Variants in SPSB4 observed in about 807,000 individuals in gnomAD.
SPSB4 encodes SPRY domain-containing SOCS box protein 4.
In SPSB4, 21 loss-of-function variants were observed where a neutral mutation model predicts 20.9. The ratio of observed to expected loss-of-function variants is 1.01; its 90% CI spans 0.71 to 1.45. The LOEUF (loss-of-function observed/expected upper bound fraction) is 1.45, where lower values mean the gene tolerates loss of function less well. Among genes scored for constraint, SPSB4 ranks in the 40% most tolerant of loss-of-function variants. SPSB4 has a pLI of 0.00. For synonymous variants in SPSB4, 207 were observed against 183.8 expected (o/e 1.13, Z -1.02); for missense variants, 399 against 399.2 (o/e 1.00, Z 0.00).
chr3:141,121,930 C>T (rs1312073164), intron 2 of SPSB4, among the ~76,000 whole-genome samples: 2 of 152,226 alleles, frequency 1.3e-5, no homozygotes, highest in Non-Finnish European at 2.9e-5. Flanking sequence ...TTGTCAAACT[C>T]ATTCTCCGTC....
intron 2 of SPSB4, among the ~76,000 whole-genome samples, chr3:141,082,739 T>A (rs1015918794): frequency 2.0e-5 from 3 of 152,200 alleles, no homozygotes; most frequent in Non-Finnish European, 4.4e-5. Flanking sequence ...AAACTGAGGC[T>A]GTGAACGGCT....
chr3:141,087,064 T>C (rs951793357), intron 2 of SPSB4, among the ~76,000 whole-genome samples: 3 of 152,188 alleles, frequency 2.0e-5, no homozygotes, highest in Admixed American at 6.5e-5. Context: ...GCCTGGAAGA[T>C]GACACGCGCA....
In SPSB4 at chr3:141,147,405, A is replaced by G. The variant is rs1163985077; in HGVS notation, c.*136A>G. The stretch of plus-strand genomic sequence containing the variant: ...CCCAGGACACTCAGTTCTTTCAAAG[A>G]CCAGGATGTGGTACCAACTTTGGAA... On this transcript the variant is annotated 3_prime_UTR_variant, in exon 3 of 3. Transcript: ENST00000310546. 11 of 1,444,718 alleles carry G rather than the reference A, an allele frequency of 7.6e-6. No individual in the cohort carries two copies. In the Admixed American group the frequency reaches 1.9e-4, roughly 25 times the overall value. The allele number at this position is 1,444,718 out of a possible 1,614,324, so 89.5% of individuals were successfully genotyped here.
intron 2 of SPSB4, among the ~76,000 whole-genome samples, chr3:141,072,095 C>T (rs1229143724): frequency 6.6e-6 from 1 of 152,246 alleles, no homozygotes; most frequent in Non-Finnish European, 1.5e-5. Flanking sequence ...GCCCCCATCC[C>T]TTATCAATCT....
chr3:141,066,634 T>G lies in SPSB4; in HGVS notation c.530T>G (p.Leu177Arg), dbSNP rs767115171. ...GAGGCCTTTGCGCTGCCCGACTCGC[T>G]GCTCGTGGTGCTGGACATGGATGAG... ...PDEAFALPDS[L>R]LVVLDMDEGT... The change falls in exon 2 of 3, where the codon CTG becomes CGG. Residue 177 changes from leucine (L) to arginine (R), a missense_variant. Coordinates refer to ENST00000310546, the MANE Select transcript of SPSB4 (RefSeq NM_080862.3). The G allele has an allele frequency of 1.9e-6, 3 of 1,610,702 alleles. No individual in the cohort carries two copies. The South Asian group carries it at 3.3e-5, about 18-fold the overall frequency.
At chr3:141,052,194 T>C (rs1936105894) in intron 1 of SPSB4, among the ~76,000 whole-genome samples, 1 of 152,120 alleles carries the variant, frequency 6.6e-6, no homozygotes, top group Non-Finnish European at 1.5e-5. Flanking sequence ...CGGCCTTTGG[T>C]ATCATGGGTT....
intron 2 of SPSB4, among the ~76,000 whole-genome samples, chr3:141,116,215 G>A (rs1355029074): frequency 2.6e-5 from 4 of 152,232 alleles, no homozygotes; most frequent in African/African-American, 4.8e-5. Context: ...GATGGTGGTC[G>A]TTCTGGTGGC....
chr3:141,080,910 T>C (rs1489615214), intron 2 of SPSB4, among the ~76,000 whole-genome samples: 7 of 152,184 alleles, frequency 4.6e-5, no homozygotes, highest in Non-Finnish European at 1.0e-4. Flanking sequence ...AAAGAGCACT[T>C]GTCTGGGAGC....
intron 2 of SPSB4, among the ~76,000 whole-genome samples, chr3:141,078,406 G>A (rs1938158979): frequency 6.6e-6 from 1 of 152,192 alleles, no homozygotes; most frequent in Non-Finnish European, 1.5e-5. Flanking sequence ...AGGGTGTGGG[G>A]AGTGCAAGGT....
At position 141,103,035 on chromosome 3, in the gene SPSB4, G is replaced by A. The variant is rs147789238; in HGVS notation, c.694+36237G>A. Among the ~76,000 whole-genome samples the A allele has an allele frequency of 9.7e-3, 1,480 of 152,282 alleles. 27 individuals carry two copies. The highest frequency in any genetic ancestry group is 0.034 in the African/African-American group (1,418 of 41,546). On this transcript the variant is annotated intron_variant, in intron 2 of 2. Transcript: ENST00000310546. Reference sequence around the variant, plus strand: ...CAAAAAAAGGAATGGCTCCCAAGTGGCCGCGCCTGTCCTGGGTGCTGCATA... The same window carrying A: ...CAAAAAAAGGAATGGCTCCCAAGTGACCGCGCCTGTCCTGGGTGCTGCATA...
intron 1 of SPSB4, among the ~76,000 whole-genome samples, chr3:141,058,734 G>A (rs914835733): frequency 4.6e-5 from 7 of 152,124 alleles, no homozygotes; most frequent in East Asian, 1.9e-4. Flanking sequence ...TTTTTTGAAC[G>A]AATAAATGAG....
At chr3:141,136,521 G>A (rs913433367) in intron 2 of SPSB4, among the ~76,000 whole-genome samples, 2 of 152,126 alleles carry the variant, frequency 1.3e-5, no homozygotes, top group Non-Finnish European at 2.9e-5. Context: ...TTTGTATAAG[G>A]TGCAAGGAAG....
At chr3:141,077,076 G>A (rs1291826270) in intron 2 of SPSB4, 2 of 152,196 alleles carry the variant, frequency 1.3e-5, no homozygotes, top group South Asian at 2.1e-4. Flanking sequence ...GGGGCGGTTA[G>A]CGTGAGTTAC....
chr3:141,141,608 T>C (rs1208162794), intron 2 of SPSB4, among the ~76,000 whole-genome samples: 1 of 152,204 alleles, frequency 6.6e-6, no homozygotes, highest in African/African-American at 2.4e-5. Context: ...TGGAATAGTT[T>C]CGGAAAGATT....
chr3:141,094,813 A>C, intron 2 of SPSB4, among the ~76,000 whole-genome samples: 3 of 108,578 alleles, frequency 2.8e-5, no homozygotes, highest in African/African-American at 3.6e-5. Context: ...GCCCTCAATC[A>C]CTGTCTGGAG....
At chr3:141,124,768 G>T (rs558081492) in intron 2 of SPSB4, among the ~76,000 whole-genome samples, 1 of 152,270 alleles carries the variant, frequency 6.6e-6, no homozygotes, top group South Asian at 2.1e-4. Flanking sequence ...AGGAGGAAGG[G>T]CAGGGAACTT....
At chr3:141,104,343 T>C (rs763243897) in intron 2 of SPSB4, among the ~76,000 whole-genome samples, 1 of 152,072 alleles carries the variant, frequency 6.6e-6, no homozygotes, top group Non-Finnish European at 1.5e-5. Context: ...AGAAAGTACA[T>C]GAGACTGGCA....
chr3:141,143,387 C>T (rs1428978004), intron 2 of SPSB4, among the ~76,000 whole-genome samples: 2 of 152,190 alleles, frequency 1.3e-5, no homozygotes, highest in Admixed American at 6.5e-5. Context: ...TGGTATTGCT[C>T]TTCTGGGTCT....
intron 2 of SPSB4, among the ~76,000 whole-genome samples, chr3:141,125,995 C>T (rs952040454): frequency 2.6e-5 from 4 of 152,096 alleles, no homozygotes; most frequent in African/African-American, 4.8e-5. Flanking sequence ...GGGTGCCCCA[C>T]GCAGACAGGT....
Sources: allele counts gnomAD v4.1 joint callset (sites outside exome capture counted in the v4.1 genomes callset), GRCh38; gene constraint gnomAD v4.1.1; transcripts MANE v1.5; gene names NCBI Gene and HGNC (gene_info 2026-07-23, HGNC 2026-07-21).